The following ACSF3 variants were observed in gnomAD, a reference collection of about 807,000 sequenced individuals.
ACSF3 encodes acyl-CoA synthetase family member 3, also known as malonate--CoA ligase ACSF3, mitochondrial.
A neutral mutation model predicts 53.2 loss-of-function variants in ACSF3; 78 were observed. The ratio of observed to expected loss-of-function variants is 1.47; its 90% CI spans 1.22 to 1.77. The LOEUF is 1.77. ACSF3 is among the 40% of genes most tolerant of loss of function. The pLI is 0.00. For synonymous variants in ACSF3, 414 were observed against 333.1 expected, an observed-to-expected ratio of 1.24 and a Z score of -2.65; for missense variants, 937 against 771.1, an observed-to-expected ratio of 1.22 and a Z score of -2.55.
intron 4 of ACSF3, among the ~76,000 whole-genome samples, chr16:89,108,589 C>T (rs112544010): frequency 1.4e-3 from 208 of 152,300 alleles, no homozygotes; most frequent in Non-Finnish European, 2.0e-3. Context: ...TGCTTTCTGC[C>T]TCTAGGATTT....
intron 7 of ACSF3, among the ~76,000 whole-genome samples, chr16:89,122,066 C>A (rs1906788461): frequency 8.1e-6 from 1 of 122,754 alleles, no homozygotes; most frequent in South Asian, 2.7e-4. Flanking sequence ...CACCTGGGGC[C>A]ACCTGCAGTG....
At chr16:89,094,129 G>C (rs1356239490) in intron 1 of ACSF3, 133 bp downstream of exon 1, 1 of 151,402 alleles carries the variant, frequency 6.6e-6, no homozygotes, top group African/African-American at 2.4e-5. Context: ...TCGCTTCCCC[G>C]CGAGCCGCCT....
rs775321460 is a variant in ACSF3, at chr16:89,154,913, C to T, written c.*706C>T. On this transcript the variant is annotated 3_prime_UTR_variant, in exon 11 of 11. Coordinates refer to ENST00000614302, the MANE Select transcript of ACSF3 (RefSeq NM_001243279.3). Reference sequence around the variant, plus strand: ...CCTCACCCCCCAGCGCAGGGACTTTCCAGGTCATCTCCACACCAGCCCCTC... The same window carrying T: ...CCTCACCCCCCAGCGCAGGGACTTTTCAGGTCATCTCCACACCAGCCCCTC... 2.2e-6 allele frequency: 1 copy of T among 453,976 alleles called. No individual in the cohort carries two copies. The highest frequency in any genetic ancestry group is 2.0e-5 in the African/African-American group (1 of 49,976). 28.1% of individuals were successfully genotyped at this position (453,976 alleles called of 1,614,324 possible). A position where few individuals can be genotyped will look rare whatever the true frequency, so the allele number is the denominator to read the frequency against.
chr16:89,147,785 C>T (rs1032081208), intron 10 of ACSF3: 1 of 152,152 alleles, frequency 6.6e-6, no homozygotes, highest in Non-Finnish European at 1.5e-5. Flanking sequence ...CTGGCCCCTC[C>T]CAAATCTTAC....
chr16:89,108,127 C>T (rs1322332428), intron 4 of ACSF3, among the ~76,000 whole-genome samples: 3 of 152,144 alleles, frequency 2.0e-5, no homozygotes, highest in Non-Finnish European at 4.4e-5. Context: ...GAAAGACCGG[C>T]CCCCATAATT....
intron 7 of ACSF3, chr16:89,122,476 A>C (rs1906893565): frequency 7.1e-6 from 3 of 424,292 alleles, no homozygotes; most frequent in Non-Finnish European, 1.4e-5. Context: ...CAGGTTCCTG[A>C]ATACACCGGC....
At chr16:89,146,647 T>C (rs1913016812) in intron 10 of ACSF3, among the ~76,000 whole-genome samples, 1 of 152,116 alleles carries the variant, frequency 6.6e-6, no homozygotes, top group Non-Finnish European at 1.5e-5. Flanking sequence ...CATTTCACTT[T>C]CCCCTCCATG....
chr16:89,155,584 C>T lies in ACSF3; in HGVS notation c.*1377C>T, dbSNP rs1034142853. On this transcript the variant is annotated 3_prime_UTR_variant, in exon 11 of 11. Transcript: ENST00000614302. ...GCCTTGTGCATCCCCATGGCCTGAC[C>T]CCGGGAACAGTCAGAGGAAGGGGTC... 1 of 454,006 alleles carries T rather than the reference C, an allele frequency of 2.2e-6. No individual in the cohort carries two copies. Among genetic ancestry groups the T allele is most frequent in the African/African-American group, 2.0e-5 (1 of 50,014 alleles). The allele number at this position is 454,006 out of a possible 1,614,324, so 28.1% of individuals were successfully genotyped here. A position where few individuals can be genotyped will look rare whatever the true frequency, so the allele number is the denominator to read the frequency against.
intron 1 of ACSF3, among the ~76,000 whole-genome samples, chr16:89,096,175 A>G (rs1430161831): frequency 6.6e-6 from 1 of 152,160 alleles, no homozygotes; most frequent in African/African-American, 2.4e-5. Context: ...TTGCCCAGCC[A>G]CGTGGTGACG....
intron 6 of ACSF3, among the ~76,000 whole-genome samples, chr16:89,118,397 C>T (rs1001349630): frequency 6.6e-6 from 1 of 152,238 alleles, no homozygotes; most frequent in Non-Finnish European, 1.5e-5. Context: ...CAAAATGCAG[C>T]CTCCTGAGCC....
chr16:89,137,596 T>C lies in ACSF3; in HGVS notation c.1366+4334T>C, dbSNP rs111381528. 1.2e-3 allele frequency among the ~76,000 whole-genome samples: 116 copies of C among 97,340 alleles called. 1 individual carries two copies. The Middle Eastern group carries it at 0.025, about 21-fold the overall frequency. The allele number at this position is 97,340 out of a possible 152,430, so 63.9% of individuals were successfully genotyped here. ...ACCACCAGGAGCTCGTGGGGAAGGA[T>C]TGAGGGGAAGAGCCCCAGGTCCCGG... On this transcript the variant is annotated intron_variant, in intron 8 of 10. Coordinates refer to ENST00000614302, the MANE Select transcript of ACSF3 (RefSeq NM_001243279.3).
intron 7 of ACSF3, among the ~76,000 whole-genome samples, chr16:89,123,910 C>A (rs776675189): frequency 6.6e-6 from 1 of 152,200 alleles, no homozygotes; most frequent in African/African-American, 2.4e-5. Context: ...AGGTACCACA[C>A]ACACATGCAG....
At chr16:89,147,078 T>C (rs557157429) in intron 10 of ACSF3, among the ~76,000 whole-genome samples, 1 of 149,872 alleles carries the variant, frequency 6.7e-6, no homozygotes, top group Non-Finnish European at 1.5e-5. Context: ...CTTACAGTCA[T>C]GGCAGAAGGC....
At chr16:89,123,474 G>T (rs1326248905) in intron 7 of ACSF3, among the ~76,000 whole-genome samples, 1 of 152,178 alleles carries the variant, frequency 6.6e-6, no homozygotes, top group Non-Finnish European at 1.5e-5. Context: ...CCACGGTCCC[G>T]GATCCACGTG....
intron 4 of ACSF3, among the ~76,000 whole-genome samples, chr16:89,109,611 C>T (rs7499987): frequency 7.2e-5 from 11 of 152,104 alleles, no homozygotes; most frequent in Admixed American, 2.0e-4. Context: ...CAGGTTTCAC[C>T]GTGTTGGCCA....
At chr16:89,102,864 G>A in intron 4 of ACSF3, 105 bp downstream of exon 4, 1 of 1,518,932 alleles carries the variant, frequency 6.6e-7, no homozygotes, top group Non-Finnish European at 9.0e-7. Context: ...CCTTTCGCTG[G>A]TTGGGGTCAG....
chr16:89,103,451 G>A (rs1343505858), intron 4 of ACSF3, among the ~76,000 whole-genome samples: 5 of 152,204 alleles, frequency 3.3e-5, no homozygotes, highest in Non-Finnish European at 5.9e-5. Context: ...GCTGCTTCAC[G>A]TCCAGCTCTG....
intron 8 of ACSF3, among the ~76,000 whole-genome samples, chr16:89,143,218 C>T (rs754998081): frequency 8.1e-5 from 12 of 149,014 alleles, no homozygotes; most frequent in Non-Finnish European, 1.6e-4. Context: ...TTGGTGCAGT[C>T]TCAGCCCCGT....
At chr16:89,151,599 A>T (rs889427594) in intron 10 of ACSF3, 19 of 196,614 alleles carry the variant, frequency 9.7e-5, no homozygotes, top group African/African-American at 4.4e-4. Context: ...CAGTCTGTGT[A>T]ATTCACCATA....
Sources: allele counts gnomAD v4.1 joint callset (sites outside exome capture counted in the v4.1 genomes callset), GRCh38; gene constraint gnomAD v4.1.1; transcripts MANE v1.5; gene names NCBI Gene and HGNC (gene_info 2026-07-23, HGNC 2026-07-21).